CALR3: variants seen among roughly 807,000 people sequenced by gnomAD.
CALR3 encodes the protein calreticulin-3.
A neutral mutation model predicts 48.7 loss-of-function variants in CALR3; 39 were observed. The observed-to-expected ratio is 0.80, with a 90% CI of 0.62 to 1.05. The LOEUF is 1.05. CALR3 is among the 50% of genes least tolerant of loss of function. The pLI is 0.00. For missense variants in CALR3, 449 were observed against 474.7 expected, an observed-to-expected ratio of 0.95 and a Z score of 0.50; for synonymous variants, 185 against 172.7, an observed-to-expected ratio of 1.07 and a Z score of -0.56.
chr19:16,483,507 C>G (rs538827532), intron 5 of CALR3, among the ~76,000 whole-genome samples: 1 of 152,036 alleles, frequency 6.6e-6, no homozygotes, highest in Non-Finnish European at 1.5e-5. Flanking sequence ...CACTTGAGGT[C>G]GGGAGTTCGA....
intron 7 of CALR3, 75 bp from the exon 8 acceptor site, chr19:16,480,781 C>T (rs1050504402): frequency 3.5e-6 from 4 of 1,132,206 alleles, no homozygotes; most frequent in African/African-American, 3.1e-5. Flanking sequence ...TTCTTTTTTC[C>T]TTTGGAAATA....
chr19:16,488,239 G>A (rs1395524001), intron 3 of CALR3, among the ~76,000 whole-genome samples: 2 of 152,066 alleles, frequency 1.3e-5, no homozygotes, highest in South Asian at 2.1e-4. Context: ...GTGAGCCACC[G>A]CACAGAGCCC....
intron 3 of CALR3, among the ~76,000 whole-genome samples, chr19:16,489,506 C>A (rs1599720562): frequency 6.6e-6 from 1 of 152,050 alleles, no homozygotes; most frequent in East Asian, 1.9e-4. Flanking sequence ...GTAATCCCAG[C>A]TACTTGGGAG....
At chr19:16,492,642 GATCAC>G (rs1423569657) in intron 2 of CALR3, among the ~76,000 whole-genome samples, 1 of 151,870 alleles carries the variant, frequency 6.6e-6, no homozygotes, top group African/African-American at 2.4e-5. Context: ...GAGGCGGGAG[GATCAC>G]GAGGTCAGGA....
chr19:16,485,902 C>A (rs1247747209), intron 3 of CALR3, among the ~76,000 whole-genome samples: 1 of 152,100 alleles, frequency 6.6e-6, no homozygotes, highest in Non-Finnish European at 1.5e-5. Flanking sequence ...AAGTGATTTG[C>A]CTGCCTTGGC....
At chr19:16,487,870 G>A (rs1436897985) in intron 3 of CALR3, among the ~76,000 whole-genome samples, 4 of 150,158 alleles carry the variant, frequency 2.7e-5, no homozygotes, top group Admixed American at 2.0e-4. Flanking sequence ...CTGGAGTGCA[G>A]TGGCGTGATC....
At chr19:16,489,929 C>G (rs776764054) in intron 3 of CALR3, among the ~76,000 whole-genome samples, 1 of 152,110 alleles carries the variant, frequency 6.6e-6, no homozygotes, top group Non-Finnish European at 1.5e-5. Context: ...GTTCCAAAAC[C>G]CAAAACTTTT....
chr19:16,484,824 C>T (rs977603643), intron 4 of CALR3, among the ~76,000 whole-genome samples: 1 of 152,154 alleles, frequency 6.6e-6, no homozygotes, highest in African/African-American at 2.4e-5. Flanking sequence ...AGACATTTCT[C>T]CAGAATGTTT....
intron 2 of CALR3, among the ~76,000 whole-genome samples, chr19:16,493,607 T>A (rs2093401276): frequency 7.0e-6 from 1 of 143,580 alleles, no homozygotes; most frequent in Admixed American, 7.5e-5. Context: ...TGGAGTGTAG[T>A]GGCACGATCT....
chr19:16,479,385 A>G, intron 8 of CALR3, 111 bp from the exon 9 acceptor site: 1 of 1,226,650 alleles, frequency 8.2e-7, no homozygotes, highest in Non-Finnish European at 1.2e-6. Flanking sequence ...GGAGATCGAG[A>G]CCATCCCGGC....
At chr19:16,483,696 CAAG>C in intron 5 of CALR3, 1 of 484,306 alleles carries the variant, frequency 2.1e-6, no homozygotes, top group Non-Finnish European at 3.7e-6. Flanking sequence ...CCAGCCTGGG[CAAG>C]AAGAACGAAA....
At position 16,489,817 on chromosome 19, in the gene CALR3, G is replaced by GAAACAA. The variant is rs148825407; in HGVS notation, c.397+544_397+549dup. Among the ~76,000 whole-genome samples, 21 of 149,390 alleles carry GAAACAA rather than the reference G, an allele frequency of 1.4e-4. No homozygotes were observed. In the East Asian group the frequency reaches 2.4e-3, roughly 17 times the overall value. On this transcript the variant is annotated intron_variant, in intron 3 of 8. Transcript: ENST00000269881. ...TTCACAAGAGTGAAAACTCGGGCTCGAAACAAAAACAAAAACAAAAACAAA... is the reference window on the plus strand; with the variant it reads ...TTCACAAGAGTGAAAACTCGGGCTCGAAACAAAAACAAAAACAAAAACAAAAACAAA...
At chr19:16,481,488 T>G (rs2093380659) in intron 7 of CALR3, among the ~76,000 whole-genome samples, 1 of 149,204 alleles carries the variant, frequency 6.7e-6, no homozygotes, top group Admixed American at 6.8e-5. Context: ...TTTTTTTTTT[T>G]TTTGAGATGA....
Position 16,484,053 on chromosome 19 carries a change from T to C in CALR3, c.555A>G (p.Lys185=). 1.9e-6 allele frequency: 3 copies of C among 1,614,168 alleles called. No homozygotes were observed. Residue 185 remains lysine (K), a synonymous_variant, in exon 5 of 9, where the codon AAA becomes AAG. Coordinates refer to ENST00000269881, the MANE Select transcript of CALR3 (RefSeq NM_145046.5). ...ILRPDLSYDV[K]IDGQSIESGS... ...CGGATTCAATTGACTGACCATCAAT[T>C]TTCACATCATAAGAAAGATCTGGTC...
intron 2 of CALR3, among the ~76,000 whole-genome samples, 196 bp from the exon 3 acceptor site, chr19:16,490,766 T>G (rs1044921903): frequency 2.7e-5 from 4 of 150,858 alleles, no homozygotes; most frequent in Admixed American, 6.6e-5. Context: ...CTATATAATT[T>G]TTTTTTTTTG....
intron 3 of CALR3, among the ~76,000 whole-genome samples, chr19:16,488,410 C>T (rs2093392447): frequency 6.6e-6 from 1 of 151,926 alleles, no homozygotes. Context: ...GAAGTACATT[C>T]ATTCTTTTTT....
intron 2 of CALR3, among the ~76,000 whole-genome samples, chr19:16,493,643 G>A (rs1229436286): frequency 4.0e-5 from 6 of 150,410 alleles, no homozygotes; most frequent in South Asian, 2.1e-4. Flanking sequence ...TCCGCCTCTC[G>A]GGTTCATGTG....
At chr19:16,481,837 C>CTA (rs1316202303) in intron 7 of CALR3, among the ~76,000 whole-genome samples, 1 of 151,256 alleles carries the variant, frequency 6.6e-6, no homozygotes, top group Non-Finnish European at 1.5e-5. Flanking sequence ...ACAAACAAAA[C>CTA]TCTCAGCACT....
intron 3 of CALR3, 55 bp from the exon 4 acceptor site, chr19:16,485,312 T>A: frequency 9.0e-7 from 1 of 1,111,584 alleles, no homozygotes. Flanking sequence ...CACCGTAGAA[T>A]AACCAACCCA....
Sources: allele counts gnomAD v4.1 joint callset (sites outside exome capture counted in the v4.1 genomes callset), GRCh38; gene constraint gnomAD v4.1.1; transcripts MANE v1.5; gene names NCBI Gene and HGNC (gene_info 2026-07-23, HGNC 2026-07-21).